CCDC6: variants seen among roughly 807,000 people sequenced by gnomAD.
CCDC6 encodes coiled-coil domain containing 6.
Under a neutral mutation model 56.6 loss-of-function variants are expected in CCDC6, and 20 were observed. That is an observed-to-expected ratio of 0.35 (90% CI 0.25 to 0.51). The LOEUF is 0.51. Among genes scored for constraint, CCDC6 ranks in the 20% least tolerant of loss-of-function variants. The pLI is 0.95. For synonymous variants in CCDC6, 241 were observed against 234.4 expected (o/e 1.03, Z -0.26); for missense variants, 367 against 601.1 (o/e 0.61, Z 4.07).
At chr10:59,802,094 G>T (rs1232991362) in intron 7 of CCDC6, among the ~76,000 whole-genome samples, 2 of 152,130 alleles carry the variant, frequency 1.3e-5, no homozygotes, top group Non-Finnish European at 2.9e-5. Context: ...CAGGCTAACT[G>T]GGAATATCCT....
At chr10:59,827,496 C>T (rs2070798038) in intron 3 of CCDC6, among the ~76,000 whole-genome samples, 1 of 144,420 alleles carries the variant, frequency 6.9e-6, no homozygotes, top group Admixed American at 6.8e-5. Context: ...TAAGCCTCCC[C>T]AAAATATACA....
chr10:59,849,043 C>T (rs189316941), intron 2 of CCDC6, among the ~76,000 whole-genome samples: 1 of 152,352 alleles, frequency 6.6e-6, no homozygotes, highest in Admixed American at 6.5e-5. Context: ...TAATTTTGCT[C>T]ACAAACACTT....
In CCDC6 at chr10:59,794,502, G is replaced by A; in HGVS notation, c.1201C>T (p.Gln401Ter). 1 of 1,614,116 alleles carries A rather than the reference G, an allele frequency of 6.2e-7. No individual in the cohort carries two copies. The highest frequency in any genetic ancestry group is 8.5e-7 in the Non-Finnish European group (1 of 1,179,952). ...ATACCATGGGATGTTCCCATGTGCT[G>A]CACGTGAAGACCCGGGGAATTGTAA... Reference protein sequence around the residue: ...SYYNSPGLHVQHMGTSHGITR... With the variant: ...SYYNSPGLHV Residue 401 changes from glutamine (Q) to a stop codon, truncating the protein, a stop_gained, in exon 8 of 9, where the codon CAG becomes TAG. Transcript: ENST00000263102. LOFTEE classifies it high-confidence loss of function.
At chr10:59,868,412 T>A (rs1458291827) in intron 1 of CCDC6, among the ~76,000 whole-genome samples, 1 of 152,192 alleles carries the variant, frequency 6.6e-6, no homozygotes, top group Non-Finnish European at 1.5e-5. Context: ...GCCATGCAGA[T>A]ACGTTGTCCA....
intron 1 of CCDC6, among the ~76,000 whole-genome samples, chr10:59,870,057 A>G (rs889699126): frequency 6.6e-6 from 1 of 152,182 alleles, no homozygotes; most frequent in South Asian, 2.1e-4. Context: ...CCTTCTTTCC[A>G]TCGAGGATGT....
rs58671737 is a variant in CCDC6, at chr10:59,847,358, A to ATT, written c.453+5193_453+5194dup. Among the ~76,000 whole-genome samples the ATT allele has an allele frequency of 2.6e-3, 393 of 151,580 alleles. 3 individuals carry two copies. Among genetic ancestry groups the ATT allele is most frequent in the Admixed American group, 8.7e-3 (133 of 15,240 alleles). On this transcript the variant is annotated intron_variant, in intron 2 of 8. Transcript: ENST00000263102. Reference sequence around the variant, plus strand: ...AGGAGCCACCGCGCCAGGCCTAGAAATTTTTTTTTAAATGAAAAGAAGTTT... The same window carrying ATT: ...AGGAGCCACCGCGCCAGGCCTAGAAATTTTTTTTTTTAAATGAAAAGAAGTTT...
intron 1 of CCDC6, among the ~76,000 whole-genome samples, chr10:59,904,959 C>T (rs1373030623): frequency 6.6e-6 from 1 of 152,246 alleles, no homozygotes; most frequent in African/African-American, 2.4e-5. Flanking sequence ...AGGTGTGACC[C>T]TCTATCCCCA....
chr10:59,883,439 A>G (rs80089949), intron 1 of CCDC6, among the ~76,000 whole-genome samples: 2,604 of 152,318 alleles, frequency 0.017, 31 homozygotes, highest in Middle Eastern at 0.044. Flanking sequence ...CACTTGATAC[A>G]AGAAGCAATG....
chr10:59,836,935 A>T (rs1589045204), intron 2 of CCDC6, among the ~76,000 whole-genome samples: 1 of 152,252 alleles, frequency 6.6e-6, no homozygotes, highest in East Asian at 1.9e-4. Context: ...ATAAATCAGT[A>T]TAATTTTAAA....
chr10:59,851,131 GAAA>G (rs372606692), intron 2 of CCDC6, among the ~76,000 whole-genome samples: 2,818 of 46,778 alleles, frequency 0.06, 30 homozygotes, highest in African/African-American at 0.11. Flanking sequence ...CATGTAAATT[GAAA>G]AAAAAAAAAA....
chr10:59,790,912 A>C lies in CCDC6; in HGVS notation c.*2005T>G, dbSNP rs1481737980. 1 of 205,704 alleles carries C rather than the reference A, an allele frequency of 4.9e-6. No homozygotes were observed. The highest frequency in any genetic ancestry group is 1.0e-5 in the Non-Finnish European group (1 of 100,472). The allele number at this position is 205,704 out of a possible 1,614,324, so 12.7% of individuals were successfully genotyped here. ...GGACTTTCTTGTTTGGGTGCAAGAC[A>C]CTATCCACAGCATTGAAATCTATAA... On this transcript the variant is annotated 3_prime_UTR_variant, in exon 9 of 9. Transcript: ENST00000263102.
At chr10:59,904,119 C>G (rs1291761817) in intron 1 of CCDC6, among the ~76,000 whole-genome samples, 1 of 152,208 alleles carries the variant, frequency 6.6e-6, no homozygotes, top group Non-Finnish European at 1.5e-5. Context: ...GCAGTGTCAT[C>G]TAAAACAATG....
At chr10:59,888,659 T>A (rs1564758353) in intron 1 of CCDC6, among the ~76,000 whole-genome samples, 2 of 152,180 alleles carry the variant, frequency 1.3e-5, no homozygotes, top group Non-Finnish European at 2.9e-5. Flanking sequence ...AAACACTAAT[T>A]TGCCAGGGGA....
At chr10:59,842,256 A>C (rs1351485525) in intron 2 of CCDC6, among the ~76,000 whole-genome samples, 1 of 151,872 alleles carries the variant, frequency 6.6e-6, no homozygotes, top group Non-Finnish European at 1.5e-5. Context: ...CATGCTGGTC[A>C]GGCTAGTCTT....
intron 3 of CCDC6, among the ~76,000 whole-genome samples, chr10:59,821,425 T>C (rs1376474105): frequency 1.3e-5 from 2 of 152,156 alleles, no homozygotes; most frequent in South Asian, 2.1e-4. Context: ...GTCCTGGCAA[T>C]TCTCCTAAGG....
At chr10:59,841,668 T>C (rs528573983) in intron 2 of CCDC6, among the ~76,000 whole-genome samples, 2 of 142,434 alleles carry the variant, frequency 1.4e-5, no homozygotes, top group African/African-American at 4.9e-5. Flanking sequence ...TCTTGTTTTT[T>C]TTGTTTGTTT....
Position 59,790,688 on chromosome 10 carries a change from G to A in CCDC6, c.*2229C>T, listed in dbSNP as rs2070460050. On this transcript the variant is annotated 3_prime_UTR_variant, in exon 9 of 9. Transcript: ENST00000263102. ...GTTTGAAGGAGCTGTGTTTTATTTCGAAGTGAAATGACTTTGGGAACCAGA... is the reference window on the plus strand; with the variant it reads ...GTTTGAAGGAGCTGTGTTTTATTTCAAAGTGAAATGACTTTGGGAACCAGA... 2 of 219,200 alleles carry A rather than the reference G, an allele frequency of 9.1e-6. No homozygotes were observed. The highest frequency in any genetic ancestry group is 1.9e-4 in the South Asian group (1 of 5,344). The allele number at this position is 219,200 out of a possible 1,614,324, so 13.6% of individuals were successfully genotyped here.
chr10:59,865,571 T>C (rs1405645065), intron 1 of CCDC6, among the ~76,000 whole-genome samples: 1 of 152,128 alleles, frequency 6.6e-6, no homozygotes, highest in Non-Finnish European at 1.5e-5. Context: ...AATATGATTC[T>C]AGCTGGGCAC....
chr10:59,885,984 T>C (rs1330209927), intron 1 of CCDC6, among the ~76,000 whole-genome samples: 2 of 134,096 alleles, frequency 1.5e-5, no homozygotes, highest in South Asian at 2.3e-4. Context: ...CTTAGCACAA[T>C]GCATAGAACA....
Sources: gnomAD v4.1 joint callset for allele counts (sites outside exome capture counted in the v4.1 genomes callset) on GRCh38, gnomAD v4.1.1 for gene constraint, MANE v1.5 for transcripts, NCBI Gene and HGNC (gene_info 2026-07-23, HGNC 2026-07-21) for gene names.